Variants in URGCP observed in about 807,000 individuals in gnomAD.
The protein encoded by URGCP is upregulator of cell proliferation.
In URGCP, 13 loss-of-function variants were observed where a neutral mutation model predicts 24.6. The ratio of observed to expected loss-of-function variants is 0.53; its 90% CI spans 0.34 to 0.84. The LOEUF is 0.84. Among genes scored for constraint, URGCP ranks in the 40% least tolerant of loss-of-function variants. The probability of loss-of-function intolerance (pLI) is 0.01; values close to 1 mark genes in which losing one functional copy is unlikely to be tolerated. For missense variants in URGCP, 899 were observed against 1,194.3 expected, an observed-to-expected ratio of 0.75 and a Z score of 3.64; for synonymous variants, 444 against 487.2, an observed-to-expected ratio of 0.91 and a Z score of 1.17.
chr7:43,881,148 T>C (rs751016737), intron 5 of URGCP: 35 of 699,386 alleles, frequency 5.0e-5, no homozygotes, highest in Non-Finnish European at 1.3e-5. Context: ...TGTCCAGACA[T>C]GGAATAACTT....
At chr7:43,902,706 C>T (rs73110206) in intron 1 of URGCP, among the ~76,000 whole-genome samples, 44,055 of 152,162 alleles carry the variant, frequency 0.29, 7,050 homozygotes, top group South Asian at 0.49. Context: ...CAAAACTTTT[C>T]ATGTATGATG....
intron 1 of URGCP, among the ~76,000 whole-genome samples, chr7:43,898,863 G>A (rs1358073388): frequency 1.3e-5 from 2 of 149,668 alleles, no homozygotes; most frequent in Non-Finnish European, 3.0e-5. Context: ...AAGGCTGGGT[G>A]TGGTGGCTCA....
intron 1 of URGCP, among the ~76,000 whole-genome samples, chr7:43,903,591 T>A (rs1055566438): frequency 6.6e-6 from 1 of 152,194 alleles, no homozygotes; most frequent in Non-Finnish European, 1.5e-5. Flanking sequence ...AGGAGCTGTA[T>A]CTAGTGTAGT....
intron 5 of URGCP, among the ~76,000 whole-genome samples, 159 bp downstream of exon 5, chr7:43,881,500 A>G (rs1269016302): frequency 2.1e-5 from 3 of 145,890 alleles, no homozygotes; most frequent in Non-Finnish European, 4.5e-5. Context: ...TTTTTTAGCA[A>G]TATGGTTAAC....
Position 43,876,365 on chromosome 7 carries a change from G to A in URGCP, c.*302C>T. On this transcript the variant is annotated 3_prime_UTR_variant, in exon 6 of 6. Transcript: ENST00000453200. ...CCACTCCAGGGGCCAGTGACAGAGA[G>A]CAGCTATACAGAGGGCCCACCCCGC... 1 of 349,568 alleles carries A rather than the reference G, an allele frequency of 2.9e-6. No homozygotes were observed. The highest frequency in any genetic ancestry group is 6.0e-5 in the East Asian group (1 of 16,768). 21.7% of individuals were successfully genotyped at this position (349,568 alleles called of 1,614,324 possible). A position where few individuals can be genotyped will look rare whatever the true frequency, so the allele number is the denominator to read the frequency against.
Position 43,878,846 on chromosome 7 carries a change from A to AG in URGCP, c.616_617insC (p.Met206ThrfsTer14). 6.2e-7 allele frequency: 1 copy of AG among 1,614,138 alleles called. No homozygotes were observed. The highest frequency in any genetic ancestry group is 8.5e-7 in the Non-Finnish European group (1 of 1,179,992). ...TGGGAGTGCAAACTGGCAGAGGGCC[A>AG]TTTTCAACGCTATTTCTTGTTGCAG... On this transcript the variant is annotated frameshift_variant, in exon 6 of 6. Coordinates refer to ENST00000453200, the MANE Select transcript of URGCP (RefSeq NM_001077663.3). LOFTEE classifies it low-confidence loss of function (END_TRUNC). This position sits in a 1 kb window ranked among gnomAD's most constrained non-coding sequence, Gnocchi z 5.6.
At chr7:43,896,454 C>CA (rs34790770) in intron 1 of URGCP, among the ~76,000 whole-genome samples, 21,889 of 84,590 alleles carry the variant, frequency 0.26, 1,898 homozygotes, top group Non-Finnish European at 0.28. Flanking sequence ...GACTCTGTCT[C>CA]AAAAAAAAAA....
intron 3 of URGCP, among the ~76,000 whole-genome samples, chr7:43,883,485 T>C (rs1170841193): frequency 1.3e-5 from 2 of 150,932 alleles, no homozygotes; most frequent in Non-Finnish European, 3.0e-5. Context: ...CTCAGCCTCC[T>C]GAGTAGGTGG....
chr7:43,897,456 C>G (rs2132692983), intron 1 of URGCP, among the ~76,000 whole-genome samples: 1 of 152,086 alleles, frequency 6.6e-6, no homozygotes, highest in African/African-American at 2.4e-5. Context: ...ACCCAGGGAC[C>G]AACAGGGAGG....
chr7:43,926,196 A>C, exon 1 of URGCP: 1 of 171,696 alleles, frequency 5.8e-6, no homozygotes, highest in Non-Finnish European at 1.2e-5. Flanking sequence ...GGATGTAGGA[A>C]CAGGGAGCAG....
At chr7:43,879,459 A>G (rs934394330) in intron 5 of URGCP, among the ~76,000 whole-genome samples, 199 bp from the exon 6 acceptor site, 2 of 152,246 alleles carry the variant, frequency 1.3e-5, no homozygotes, top group African/African-American at 4.8e-5. Context: ...ACATCAAGGT[A>G]CAATAGGTAC....
At chr7:43,915,013 C>A (rs1395060599) in intron 1 of URGCP, among the ~76,000 whole-genome samples, 1 of 152,212 alleles carries the variant, frequency 6.6e-6, no homozygotes, top group Non-Finnish European at 1.5e-5. Flanking sequence ...GTGGAGCCAC[C>A]AGGAATTCAC....
chr7:43,916,475 A>T (rs977350339), intron 1 of URGCP, among the ~76,000 whole-genome samples: 2 of 152,176 alleles, frequency 1.3e-5, no homozygotes, highest in Non-Finnish European at 2.9e-5. Context: ...CTTTGGATCG[A>T]AGCCCTAGGA....
At chr7:43,896,239 C>T (rs1274471587) in intron 1 of URGCP, among the ~76,000 whole-genome samples, 2 of 152,000 alleles carry the variant, frequency 1.3e-5, no homozygotes, top group African/African-American at 4.8e-5. Context: ...CGGTGGCTCA[C>T]GTGGTCAGGA....
intron 1 of URGCP, among the ~76,000 whole-genome samples, chr7:43,895,167 G>A (rs2093771551): frequency 6.6e-6 from 1 of 151,792 alleles, no homozygotes; most frequent in African/African-American, 2.4e-5. Context: ...CATCCAATAA[G>A]AACTGATATC....
intron 3 of URGCP, among the ~76,000 whole-genome samples, chr7:43,883,527 A>G (rs1240494177): frequency 1.3e-5 from 2 of 150,994 alleles, no homozygotes; most frequent in Non-Finnish European, 3.0e-5. Context: ...CACCCAGCTA[A>G]TTTTTTTGTA....
In URGCP at chr7:43,887,385, T is replaced by A. The variant is rs1249703845; in HGVS notation, c.112+30A>T. 1.9e-6 allele frequency: 3 copies of A among 1,611,976 alleles called. No homozygotes were observed. In the African/African-American group the frequency reaches 4.0e-5, roughly 22 times the overall value. On this transcript the variant is annotated intron_variant, in intron 3 of 5. Transcript: ENST00000453200. ...CAGGAGAAGTACTTCAGCTCCAGAG[T>A]GGGCCCACATCCAATTCATCCAACT...
intron 1 of URGCP, chr7:43,919,488 C>T (rs566977568): frequency 1.8e-6 from 2 of 1,137,382 alleles, no homozygotes; most frequent in South Asian, 2.5e-5. Context: ...CATTCCCACC[C>T]CATGGCTCCA....
Position 43,876,071 on chromosome 7 carries a change from G to T in URGCP, c.*596C>A. ...CGCGCTGCGTGAAGTGTGTGGCAGA[G>T]GTATAACAAAGTGCTGTGGGGCACA... On this transcript the variant is annotated 3_prime_UTR_variant, in exon 6 of 6. Coordinates refer to ENST00000453200, the MANE Select transcript of URGCP (RefSeq NM_001077663.3). 6.4e-6 allele frequency: 1 copy of T among 156,766 alleles called. No individual in the cohort carries two copies. The highest frequency in any genetic ancestry group is 1.4e-5 in the Non-Finnish European group (1 of 71,006). 9.7% of individuals were successfully genotyped at this position (156,766 alleles called of 1,614,324 possible).
Sources: allele counts gnomAD v4.1 joint callset (sites outside exome capture counted in the v4.1 genomes callset), GRCh38; gene constraint gnomAD v4.1.1; non-coding constraint Gnocchi (gnomAD v3.1); transcripts MANE v1.5; gene names NCBI Gene and HGNC (gene_info 2026-07-23, HGNC 2026-07-21).